Variants in PTPRM observed in about 807,000 individuals in gnomAD.
PTPRM encodes the protein protein tyrosine phosphatase receptor type M.
Under a neutral mutation model 186.7 loss-of-function variants are expected in PTPRM, and 47 were observed. The observed-to-expected ratio is 0.25, with a 90% confidence interval of 0.20 to 0.32. The LOEUF (loss-of-function observed/expected upper bound fraction) is 0.32, where lower values mean the gene tolerates loss of function less well. Ranked by LOEUF, PTPRM falls within the 10% of genes least tolerant of loss-of-function variation. PTPRM has a pLI of 1.00. For missense variants in PTPRM, 1,494 were observed against 1,865.0 expected, an observed-to-expected ratio of 0.80 and a Z score of 3.66; for synonymous variants, 668 against 674.9, an observed-to-expected ratio of 0.99 and a Z score of 0.16.
chr18:8,012,657 C>T (rs1452671128), intron 7 of PTPRM, among the ~76,000 whole-genome samples: 1 of 152,136 alleles, frequency 6.6e-6, no homozygotes, highest in Non-Finnish European at 1.5e-5. Flanking sequence ...TGTATCCAAA[C>T]ATATTTAAAC....
intron 7 of PTPRM, among the ~76,000 whole-genome samples, chr18:8,044,435 CAA>C (rs890189446): frequency 1.3e-5 from 2 of 152,026 alleles, no homozygotes; most frequent in East Asian, 1.9e-4. Context: ...AAATATGACT[CAA>C]GAGTGGATTC....
At chr18:8,128,129 G>A (rs1475955349) in intron 13 of PTPRM, among the ~76,000 whole-genome samples, 2 of 152,096 alleles carry the variant, frequency 1.3e-5, no homozygotes, top group African/African-American at 2.4e-5. Flanking sequence ...GGAAGAAAAT[G>A]CCTCCTTTAG....
intron 14 of PTPRM, among the ~76,000 whole-genome samples, chr18:8,169,771 T>A (rs1311573443): frequency 6.6e-6 from 1 of 152,182 alleles, no homozygotes; most frequent in East Asian, 1.9e-4. Flanking sequence ...GCTCAATGGA[T>A]ACAAATTTTC....
chr18:8,393,358 T>A (rs2148591971), intron 31 of PTPRM, among the ~76,000 whole-genome samples: 1 of 152,336 alleles, frequency 6.6e-6, no homozygotes, highest in South Asian at 2.1e-4. Flanking sequence ...CTTCTCAGAT[T>A]GCGGCTGGGG....
At chr18:8,159,646 C>T (rs1415571324) in intron 14 of PTPRM, among the ~76,000 whole-genome samples, 1 of 152,124 alleles carries the variant, frequency 6.6e-6, no homozygotes, top group Non-Finnish European at 1.5e-5. Context: ...CCCGACAGTG[C>T]CGACAGTACG....
chr18:7,985,436 C>T (rs557968162), intron 7 of PTPRM, among the ~76,000 whole-genome samples: 2 of 138,652 alleles, frequency 1.4e-5, no homozygotes, highest in Admixed American at 7.6e-5. Context: ...CTGGTAGATA[C>T]GTATATAAAT....
intron 2 of PTPRM, among the ~76,000 whole-genome samples, chr18:7,820,506 AC>A (rs2145601429): frequency 6.6e-6 from 1 of 152,308 alleles, no homozygotes; most frequent in Non-Finnish European, 1.5e-5. Flanking sequence ...TGAGGAGAGA[AC>A]ACTTAGAATC....
intron 23 of PTPRM, among the ~76,000 whole-genome samples, chr18:8,355,836 G>A (rs1191978861): frequency 1.3e-5 from 2 of 152,194 alleles, no homozygotes; most frequent in Non-Finnish European, 2.9e-5. Flanking sequence ...CAGCTCCAGA[G>A]GGCTAGTGAG....
In PTPRM at chr18:7,668,207, G is replaced by C. The variant is rs931326128; in HGVS notation, c.73+100316G>C. 3.3e-5 allele frequency among the ~76,000 whole-genome samples: 5 copies of C among 152,122 alleles called. No homozygotes were observed. Among genetic ancestry groups the C allele is most frequent in the Non-Finnish European group, 7.3e-5 (5 of 68,036 alleles). ...TGTGCATGGTGAGGAGCTGCACCAC[G>C]GTGGTGCCCGCAGACGCTGCTTCGT... is the stretch of plus-strand genomic sequence containing the variant. On this transcript the variant is annotated intron_variant, in intron 1 of 32. Transcript: ENST00000580170. This position sits in a 1 kb window ranked among gnomAD's most constrained non-coding sequence, Gnocchi z 4.7.
intron 7 of PTPRM, among the ~76,000 whole-genome samples, chr18:8,034,943 G>A (rs10775439): frequency 0.44 from 67,075 of 151,938 alleles, 16,094 homozygotes; most frequent in Non-Finnish European, 0.55. Context: ...GGCCTCCATG[G>A]AATTTTCAAG....
chr18:8,336,841 G>A (rs866665705), intron 22 of PTPRM, among the ~76,000 whole-genome samples: 1 of 151,914 alleles, frequency 6.6e-6, no homozygotes, highest in Admixed American at 6.6e-5. Context: ...GCTGGGTGTG[G>A]TGGTGCGTGC....
At chr18:8,301,929 G>A (rs1601708853) in intron 20 of PTPRM, among the ~76,000 whole-genome samples, 1 of 152,224 alleles carries the variant, frequency 6.6e-6, no homozygotes, top group Non-Finnish European at 1.5e-5. Context: ...GAAGACGGAG[G>A]AGTGTGGCCG....
chr18:7,761,846 A>T lies in PTPRM; in HGVS notation c.74-12303A>T, dbSNP rs140620881. On this transcript the variant is annotated intron_variant, in intron 1 of 32. Transcript: ENST00000580170. ...GAAGGAGGGAGATGCCATGAGTCAG[A>T]TAAAAAAGGCAAAACTCTAGAATCA... Among the ~76,000 whole-genome samples the T allele has an allele frequency of 3.9e-5, 6 of 152,306 alleles. No homozygotes were observed. The East Asian group carries it at 9.7e-4, about 25-fold the overall frequency.
Position 7,947,982 on chromosome 18 carries a change from G to A in PTPRM, c.664-1199G>A, listed in dbSNP as rs947876838. Among the ~76,000 whole-genome samples, 3 of 152,248 alleles carry A rather than the reference G, an allele frequency of 2.0e-5. No homozygotes were observed. The East Asian group carries it at 5.8e-4, about 29-fold the overall frequency. ...TGATAGCTCCTGGTTGGGATGCCAA[G>A]AGTGGTTGCTGAGTGAATAACGGAC... On this transcript the variant is annotated intron_variant, in intron 5 of 32. Coordinates refer to ENST00000580170, the MANE Select transcript of PTPRM (RefSeq NM_001105244.2).
intron 3 of PTPRM, among the ~76,000 whole-genome samples, chr18:7,895,618 G>A (rs946544499): frequency 4.6e-5 from 7 of 152,148 alleles, no homozygotes; most frequent in Non-Finnish European, 7.4e-5. Flanking sequence ...GCTGTGTTGG[G>A]CTCTTCAGTT....
chr18:8,372,461 T>G (rs1234262182), intron 24 of PTPRM, among the ~76,000 whole-genome samples: 1 of 152,216 alleles, frequency 6.6e-6, no homozygotes, highest in East Asian at 1.9e-4. Flanking sequence ...AACATCTGCT[T>G]ATTGGCTAAT....
intron 2 of PTPRM, among the ~76,000 whole-genome samples, chr18:7,835,556 C>A (rs531301185): frequency 6.6e-5 from 10 of 152,144 alleles, no homozygotes; most frequent in Non-Finnish European, 1.3e-4. Flanking sequence ...ATTCTGCAGC[C>A]TTTGGATGAA....
intron 1 of PTPRM, chr18:7,741,497 C>T (rs902031587): frequency 2.6e-5 from 4 of 152,148 alleles, no homozygotes; most frequent in Non-Finnish European, 5.9e-5. Flanking sequence ...CCTGGTTTTT[C>T]TTGATGATTT....
chr18:8,342,979 A>C (rs2095483730), intron 22 of PTPRM, among the ~76,000 whole-genome samples: 1 of 152,228 alleles, frequency 6.6e-6, no homozygotes, highest in Non-Finnish European at 1.5e-5. Flanking sequence ...AGAATAAGAA[A>C]AATATTAGAA....
Sources: allele counts gnomAD v4.1 joint callset (sites outside exome capture counted in the v4.1 genomes callset), GRCh38; gene constraint gnomAD v4.1.1; non-coding constraint Gnocchi (gnomAD v3.1); transcripts MANE v1.5; gene names NCBI Gene and HGNC (gene_info 2026-07-23, HGNC 2026-07-21).